The following CFAP20DC variants were observed in gnomAD, a reference collection of about 807,000 sequenced individuals.
CFAP20DC encodes protein CFAP20DC.
In CFAP20DC, 84 loss-of-function variants were observed where a neutral mutation model predicts 101.7. The observed-to-expected ratio is 0.83, with a 90% CI of 0.69 to 0.99. The LOEUF (loss-of-function observed/expected upper bound fraction) is 0.99, where lower values mean the gene tolerates loss of function less well. CFAP20DC is among the 50% of genes least tolerant of loss of function. The pLI is 0.00. For synonymous variants in CFAP20DC, 359 were observed against 351.2 expected (o/e 1.02, Z -0.25); for missense variants, 1,007 against 970.3 (o/e 1.04, Z -0.50).
chr3:59,034,682 C>A (rs920517871), intron 4 of CFAP20DC, among the ~76,000 whole-genome samples: 24 of 152,164 alleles, frequency 1.6e-4, no homozygotes, highest in African/African-American at 5.8e-4. Flanking sequence ...CAGGAGTACT[C>A]AGATTCATAA....
intron 13 of CFAP20DC, among the ~76,000 whole-genome samples, chr3:58,842,897 G>T (rs576237297): frequency 3.3e-5 from 5 of 152,292 alleles, no homozygotes; most frequent in Admixed American, 3.3e-4. Context: ...CCCCCAGCAG[G>T]GGCACACTGA....
chr3:58,973,637 T>C (rs527965824), intron 4 of CFAP20DC, among the ~76,000 whole-genome samples: 3 of 152,302 alleles, frequency 2.0e-5, no homozygotes, highest in South Asian at 2.1e-4. Flanking sequence ...CCAGGTGTCA[T>C]TCTCTATAGT....
chr3:58,807,848 C>A (rs1223606227), intron 14 of CFAP20DC, among the ~76,000 whole-genome samples: 2 of 151,994 alleles, frequency 1.3e-5, no homozygotes, highest in Non-Finnish European at 2.9e-5. Flanking sequence ...ACTAGAATAA[C>A]CAATACAGAG....
rs2082472809 is a variant in CFAP20DC, at chr3:58,894,056, G to A, written c.551-9347C>T. Among the ~76,000 whole-genome samples, 1 of 152,070 alleles carries A rather than the reference G, an allele frequency of 6.6e-6. No individual in the cohort carries two copies. The highest frequency in any genetic ancestry group is 2.1e-4 in the South Asian group (1 of 4,824). ...ACTTGCTATCATGAGAACAGCATGG[G>A]AAGTACCTGCCCCCATGATGCAATT... On this transcript the variant is annotated intron_variant, in intron 6 of 16. Coordinates refer to ENST00000482387, the MANE Select transcript of CFAP20DC (RefSeq NM_001394063.1). The surrounding 1 kb of genome is among the most constrained non-coding windows in gnomAD (Gnocchi z 4.1).
At chr3:58,938,375 C>T (rs1047085614) in intron 4 of CFAP20DC, among the ~76,000 whole-genome samples, 2 of 152,178 alleles carry the variant, frequency 1.3e-5, no homozygotes, top group Non-Finnish European at 2.9e-5. Flanking sequence ...GCCATGATCA[C>T]AAAGATTAGG....
chr3:58,762,794 T>C (rs1269481601), intron 15 of CFAP20DC, among the ~76,000 whole-genome samples: 2 of 152,216 alleles, frequency 1.3e-5, no homozygotes, highest in Non-Finnish European at 2.9e-5. Flanking sequence ...CCTTCACTTA[T>C]GAAGCTTAGT....
chr3:58,849,524 T>C (rs1036721494), intron 12 of CFAP20DC, 115 bp from the exon 13 acceptor site: 4 of 780,520 alleles, frequency 5.1e-6, no homozygotes, highest in African/African-American at 3.5e-5. Context: ...AAAGCATCTA[T>C]ATATAGATTT....
rs146010948 is a variant in CFAP20DC at position 58,869,437 on chromosome 3, T to C, written c.906A>G (p.Val302=). The C allele has an allele frequency of 6.8e-6, 11 of 1,613,662 alleles. No homozygotes were observed. In the African/African-American group the frequency reaches 1.2e-4, roughly 18 times the overall value. The change falls in exon 9 of 17, where the codon GTA becomes GTG. Residue 302 remains valine, a synonymous_variant. Coordinates refer to ENST00000482387, the MANE Select transcript of CFAP20DC (RefSeq NM_001394063.1). This position sits in a 1 kb window ranked among gnomAD's most constrained non-coding sequence, Gnocchi z 4.3. The part of the protein sequence containing the change: ...KNNRSCQPST[V]EKCVNGTEMS... ...TTTCTGTACCATTAACACACTTCTCTACAGTGGACGGCTGGCATGATCGGT... is the reference window on the plus strand; with the variant it reads ...TTTCTGTACCATTAACACACTTCTCCACAGTGGACGGCTGGCATGATCGGT...
chr3:58,848,918 A>G, intron 13 of CFAP20DC, 114 bp downstream of exon 13: 1 of 1,274,206 alleles, frequency 7.8e-7, no homozygotes, highest in Non-Finnish European at 1.1e-6. Context: ...AAGAAAATAC[A>G]ACACTCATCA....
At chr3:59,010,181 T>A (rs1250157515) in intron 4 of CFAP20DC, among the ~76,000 whole-genome samples, 2 of 152,058 alleles carry the variant, frequency 1.3e-5, no homozygotes, top group Non-Finnish European at 2.9e-5. Context: ...ACAGCTAACA[T>A]GACAAATAGA....
At chr3:58,758,796 T>C (rs1263222371) in intron 15 of CFAP20DC, among the ~76,000 whole-genome samples, 6 of 152,170 alleles carry the variant, frequency 3.9e-5, no homozygotes, top group African/African-American at 1.4e-4. Flanking sequence ...TGTTTGGTTT[T>C]TTGACCTTGC....
intron 3 of CFAP20DC, among the ~76,000 whole-genome samples, chr3:58,723,743 G>A (rs374117067): frequency 2.6e-4 from 40 of 152,356 alleles, no homozygotes; most frequent in African/African-American, 9.1e-4. Context: ...GGTGTAAGTA[G>A]TAACCTTCCC....
rs1292081454 is a variant in CFAP20DC at position 58,913,776 on chromosome 3, G to A, written c.482C>T (p.Ser161Leu). Residue 161 changes from serine to leucine, a missense_variant, in exon 6 of 17, where the codon TCA (serine) becomes TTA (leucine). By Grantham distance (145) the Ser-to-Leu change is moderately radical. Coordinates refer to ENST00000482387, the MANE Select transcript of CFAP20DC (RefSeq NM_001394063.1). This position sits in a 1 kb window ranked among gnomAD's most constrained non-coding sequence, Gnocchi z 4.4. The part of the protein sequence containing the change: ...VFQSLDGIVV[S>L]ANCKLRKIFT... Reference sequence around the variant, plus strand: ...GATCTTCCGTAGCTTACAGTTAGCTGAGACAACAATTCCATCCAATGACTG... The same window carrying A: ...GATCTTCCGTAGCTTACAGTTAGCTAAGACAACAATTCCATCCAATGACTG... The A allele has an allele frequency of 1.2e-5, 19 of 1,613,662 alleles. No individual in the cohort carries two copies. Among genetic ancestry groups the A allele is most frequent in the Non-Finnish European group, 1.5e-5 (18 of 1,179,758 alleles).
chr3:59,017,297 C>T (rs538659675), intron 4 of CFAP20DC: 2 of 152,240 alleles, frequency 1.3e-5, no homozygotes, highest in East Asian at 3.9e-4. Context: ...GGAACTAGTA[C>T]TGGCTTCCAT....
intron 4 of CFAP20DC, among the ~76,000 whole-genome samples, chr3:58,963,131 G>A (rs1161373780): frequency 4.6e-5 from 7 of 151,054 alleles, no homozygotes; most frequent in African/African-American, 1.7e-4. Flanking sequence ...AGGAGGGACT[G>A]CAGCAGCCCC....
chr3:58,723,876 T>C (rs1256642204), intron 3 of CFAP20DC, among the ~76,000 whole-genome samples: 1 of 152,146 alleles, frequency 6.6e-6, no homozygotes, highest in Admixed American at 6.5e-5. Flanking sequence ...ATAAAAAATG[T>C]TTTTTTATGG....
At chr3:58,796,357 G>C (rs1205817132) in intron 15 of CFAP20DC, among the ~76,000 whole-genome samples, 1 of 152,140 alleles carries the variant, frequency 6.6e-6, no homozygotes, top group Non-Finnish European at 1.5e-5. Flanking sequence ...GAGGTGAAAA[G>C]CAGGATGATT....
At chr3:58,819,045 G>C (rs2075412903) in intron 14 of CFAP20DC, among the ~76,000 whole-genome samples, 1 of 150,302 alleles carries the variant, frequency 6.7e-6, no homozygotes, top group South Asian at 2.1e-4. Context: ...ATGACTACTG[G>C]GTACATAACG....
rs547887022 is a variant in CFAP20DC at position 58,942,098 on chromosome 3, C to T, written c.279-4336G>A. Among the ~76,000 whole-genome samples the T allele has an allele frequency of 2.0e-5, 3 of 152,124 alleles. No homozygotes were observed. The East Asian group carries it at 5.8e-4, about 29-fold the overall frequency. ...AAAGGTTGCAGAATTTTGTTAAATG[C>T]CTTTTCTATACTGGTTGAAATTATC... is the stretch of plus-strand genomic sequence containing the variant. On this transcript the variant is annotated intron_variant, in intron 4 of 16. Transcript: ENST00000482387.
Sources: gnomAD v4.1 joint callset for allele counts (sites outside exome capture counted in the v4.1 genomes callset) on GRCh38, gnomAD v4.1.1 for gene constraint, Gnocchi (gnomAD v3.1) non-coding constraint, MANE v1.5 for transcripts, NCBI Gene and HGNC (gene_info 2026-07-23, HGNC 2026-07-21) for gene names.